THADA: variants seen among roughly 807,000 people sequenced by gnomAD.
The protein encoded by THADA is tRNA (32-2'-O)-methyltransferase regulator THADA.
In THADA, 213 loss-of-function variants were observed where a neutral mutation model predicts 219.8. The ratio of observed to expected loss-of-function variants is 0.97; its 90% CI spans 0.87 to 1.09. The LOEUF is 1.09. Among genes scored for constraint, THADA ranks in the 50% least tolerant of loss-of-function variants. The pLI, the probability that THADA is intolerant of heterozygous loss-of-function variation, is 0.00. For synonymous variants in THADA, 1,018 were observed against 828.9 expected (o/e 1.23, Z -3.92); for missense variants, 2,956 against 2,311.3 (o/e 1.28, Z -5.72).
chr2:43,461,272 A>T (rs1683612845), intron 26 of THADA, among the ~76,000 whole-genome samples: 1 of 152,218 alleles, frequency 6.6e-6, no homozygotes, highest in Non-Finnish European at 1.5e-5. Context: ...ACAATGTGCC[A>T]AAAGTTTAAA....
intron 29 of THADA, among the ~76,000 whole-genome samples, chr2:43,364,701 C>G (rs1669927574): frequency 6.6e-6 from 1 of 152,196 alleles, no homozygotes; most frequent in African/African-American, 2.4e-5. Flanking sequence ...TGTTTGTTGA[C>G]ATCTGCTTAT....
intron 30 of THADA, 100 bp from the exon 31 acceptor site, chr2:43,320,640 G>C: frequency 1.4e-6 from 1 of 740,234 alleles, no homozygotes; most frequent in Non-Finnish European, 2.2e-6. Flanking sequence ...ATATGATGGG[G>C]CTTAAGCAGC....
chr2:43,264,410 C>A (rs1399228161), intron 36 of THADA, among the ~76,000 whole-genome samples: 1 of 151,856 alleles, frequency 6.6e-6, no homozygotes, highest in Non-Finnish European at 1.5e-5. Context: ...CTCAGCCTCC[C>A]GAGTAGCTGG....
chr2:43,407,286 C>G (rs763423864), intron 28 of THADA, among the ~76,000 whole-genome samples: 5 of 152,056 alleles, frequency 3.3e-5, no homozygotes, highest in Non-Finnish European at 7.4e-5. Context: ...GAGAATTTAC[C>G]ATCTTATTTT....
intron 29 of THADA, among the ~76,000 whole-genome samples, chr2:43,381,812 T>C (rs996794112): frequency 3.2e-4 from 49 of 152,262 alleles, no homozygotes; most frequent in African/African-American, 1.1e-3. Flanking sequence ...CTCAAACTCC[T>C]GACCTCAAGT....
intron 31 of THADA, among the ~76,000 whole-genome samples, chr2:43,295,490 G>A (rs1034557426): frequency 6.6e-6 from 1 of 152,164 alleles, no homozygotes; most frequent in Non-Finnish European, 1.5e-5. Flanking sequence ...TTCACCAAAT[G>A]CCTTGCCAAA....
At chr2:43,508,854 A>T in intron 22 of THADA, 74 bp from the exon 23 acceptor site, 1 of 1,429,420 alleles carries the variant, frequency 7.0e-7, no homozygotes, top group Non-Finnish European at 9.7e-7. Flanking sequence ...ATGCACATTT[A>T]CACTGTTAGT....
At chr2:43,589,849 A>T (rs914592216) in intron 4 of THADA, among the ~76,000 whole-genome samples, 7 of 151,992 alleles carry the variant, frequency 4.6e-5, no homozygotes, top group African/African-American at 1.7e-4. Context: ...AATTTAAAAA[A>T]AAAGAATTCA....
intron 14 of THADA, 70 bp downstream of exon 14, chr2:43,570,318 C>T (rs1327511162): frequency 2.8e-6 from 4 of 1,411,658 alleles, no homozygotes; most frequent in Non-Finnish European, 2.9e-6. Flanking sequence ...CATTTATTTC[C>T]CTTTAATGCT....
rs946713737 is a variant in THADA at position 43,541,590 on chromosome 2, C to A, written c.3107-274G>T. ...GTAGCATGCTCATGGCTCACTGCAG[C>A]CTTGACCTCCCAGGCTCATGCAATC... is the stretch of plus-strand genomic sequence containing the variant. On this transcript the variant is annotated intron_variant, in intron 20 of 37. Coordinates refer to ENST00000405975, the MANE Select transcript of THADA (RefSeq NM_022065.5). Among the ~76,000 whole-genome samples the A allele has an allele frequency of 4.6e-5, 7 of 152,092 alleles. No homozygotes were observed. The South Asian group carries it at 1.5e-3, about 32-fold the overall frequency.
chr2:43,515,317 T>A (rs1276333671), intron 22 of THADA, among the ~76,000 whole-genome samples: 135 of 3,794 alleles, frequency 0.036, 10 homozygotes, highest in Admixed American at 0.12. Flanking sequence ...TATATAATAT[T>A]TTATATATAA....
chr2:43,549,688 T>C (rs1696524616), intron 19 of THADA, among the ~76,000 whole-genome samples: 1 of 152,168 alleles, frequency 6.6e-6, no homozygotes, highest in Non-Finnish European at 1.5e-5. Flanking sequence ...GTGCTAATCA[T>C]GTCAAAGAAG....
intron 3 of THADA, 125 bp from the exon 4 acceptor site, chr2:43,591,079 G>T: frequency 1.2e-6 from 1 of 842,418 alleles, no homozygotes; most frequent in Non-Finnish European, 1.8e-6. Flanking sequence ...CCAACACTTT[G>T]GGAGGCTGAG....
At chr2:43,310,116 T>C (rs189723451) in intron 31 of THADA, among the ~76,000 whole-genome samples, 224 of 152,186 alleles carry the variant, frequency 1.5e-3, no homozygotes, top group African/African-American at 5.0e-3. Flanking sequence ...AAAGACATCA[T>C]ATTGTTATGA....
rs370628128 is a variant in THADA at position 43,317,912 on chromosome 2, G to A, written c.4438+2534C>T. 2.6e-5 allele frequency among the ~76,000 whole-genome samples: 4 copies of A among 152,198 alleles called. No individual in the cohort carries two copies. In the East Asian group the frequency reaches 7.7e-4, roughly 29 times the overall value. On this transcript the variant is annotated intron_variant, in intron 31 of 37. Transcript: ENST00000405975. ...TCATCATTAATAATGTTACTGTAAT[G>A]TACCTTTTGGGTTATGATGTCATTT...
intron 25 of THADA, chr2:43,486,743 A>T (rs554354133): frequency 1.3e-5 from 2 of 152,232 alleles, no homozygotes; most frequent in Admixed American, 6.5e-5. Context: ...ATGAGGAAAT[A>T]TAAGTCCAGT....
intron 21 of THADA, among the ~76,000 whole-genome samples, chr2:43,528,890 G>A (rs531026506): frequency 6.6e-6 from 1 of 151,206 alleles, no homozygotes; most frequent in Non-Finnish European, 1.5e-5. Flanking sequence ...TCATACTTTT[G>A]TACAACCATC....
At chr2:43,381,343 A>T (rs1451239469) in intron 29 of THADA, among the ~76,000 whole-genome samples, 1 of 152,154 alleles carries the variant, frequency 6.6e-6, no homozygotes, top group African/African-American at 2.4e-5. Flanking sequence ...GAGAAGAGAC[A>T]AATTTCCCAC....
At chr2:43,423,147 T>G (rs1404218825) in intron 28 of THADA, among the ~76,000 whole-genome samples, 1 of 148,056 alleles carries the variant, frequency 6.8e-6, no homozygotes, top group African/African-American at 2.5e-5. Flanking sequence ...AATGGTCTTA[T>G]GCCTGAATTT....
Sources: gnomAD v4.1 joint callset for allele counts (sites outside exome capture counted in the v4.1 genomes callset) on GRCh38, gnomAD v4.1.1 for gene constraint, MANE v1.5 for transcripts, NCBI Gene and HGNC (gene_info 2026-07-23, HGNC 2026-07-21) for gene names.